The following MMS22L variants were observed in gnomAD, a reference collection of about 807,000 sequenced individuals.
MMS22L encodes protein MMS22-like.
In MMS22L, 74 loss-of-function variants were observed where a neutral mutation model predicts 159.1. The ratio of observed to expected loss-of-function variants is 0.47; its 90% CI spans 0.39 to 0.56. The LOEUF (loss-of-function observed/expected upper bound fraction) is 0.56, where lower values mean the gene tolerates loss of function less well. Ranked by LOEUF, MMS22L falls within the 20% of genes least tolerant of loss-of-function variation. The probability of loss-of-function intolerance (pLI) is 0.00; values close to 1 mark genes in which losing one functional copy is unlikely to be tolerated. For missense variants in MMS22L, 1,351 were observed against 1,422.1 expected, an observed-to-expected ratio of 0.95 and a Z score of 0.80; for synonymous variants, 517 against 506.9, an observed-to-expected ratio of 1.02 and a Z score of -0.27.
intron 3 of MMS22L, 85 bp from the exon 4 acceptor site, chr6:97,278,983 A>C: frequency 9.0e-7 from 1 of 1,109,226 alleles, no homozygotes; most frequent in Non-Finnish European, 1.3e-6. Context: ...TCCAAATTAC[A>C]CAGCTTCAAT....
At chr6:97,169,441 C>T (rs953285845) in intron 19 of MMS22L, among the ~76,000 whole-genome samples, 1 of 151,906 alleles carries the variant, frequency 6.6e-6, no homozygotes, top group African/African-American at 2.4e-5. Flanking sequence ...TTATTCCATC[C>T]TAGAAAGCAA....
At chr6:97,157,054 A>G (rs1225343025) in intron 22 of MMS22L, among the ~76,000 whole-genome samples, 1 of 152,044 alleles carries the variant, frequency 6.6e-6, no homozygotes, top group Non-Finnish European at 1.5e-5. Context: ...TGTAAGTTAG[A>G]TGCCTAGGTA....
At chr6:97,191,709 CTA>C (rs1183855251) in intron 14 of MMS22L, among the ~76,000 whole-genome samples, 2 of 152,156 alleles carry the variant, frequency 1.3e-5, no homozygotes, top group Admixed American at 6.5e-5. Flanking sequence ...TCAGGACACT[CTA>C]TAACCATTTT....
At chr6:97,228,748 G>A in intron 14 of MMS22L, 146 bp downstream of exon 14, 2 of 694,150 alleles carry the variant, frequency 2.9e-6, no homozygotes, top group Non-Finnish European at 4.7e-6. Flanking sequence ...ACTGATTTAT[G>A]CCCATGTAGT....
intron 10 of MMS22L, among the ~76,000 whole-genome samples, chr6:97,249,243 G>A (rs1403402123): frequency 6.6e-6 from 1 of 152,200 alleles, no homozygotes; most frequent in African/African-American, 2.4e-5. Context: ...GGAGAAGAAC[G>A]TGGCCTGACT....
At chr6:97,227,575 T>C (rs1262145393) in intron 14 of MMS22L, among the ~76,000 whole-genome samples, 1 of 152,134 alleles carries the variant, frequency 6.6e-6, no homozygotes, top group Non-Finnish European at 1.5e-5. Context: ...AAACCCGCCA[T>C]GAAAACACGG....
In MMS22L at chr6:97,267,924, C is replaced by A. The variant is rs778476192; in HGVS notation, c.776G>T (p.Cys259Phe). Residue 259 changes from cysteine (C) to phenylalanine (F), a missense_variant, in exon 8 of 25, where the codon TGT (cysteine) becomes TTT (phenylalanine). Coordinates refer to ENST00000683635, the MANE Select transcript of MMS22L (RefSeq NM_001350599.2). ...TATTAAATCACAAAGGAGAGTTTCA[C>A]AATGTTCTTCAAATAGGCTGATGTT... ...LTNISLFEEHCETLLCDLISL... is the reference protein window; with the variant it reads ...LTNISLFEEHFETLLCDLISL... 41 of 1,609,620 alleles carry A rather than the reference C, an allele frequency of 2.5e-5. 1 individual carries two copies. Among genetic ancestry groups the A allele is most frequent in the Middle Eastern group, 1.6e-4 (1 of 6,070 alleles).
At chr6:97,219,031 T>G (rs1478128211) in intron 14 of MMS22L, among the ~76,000 whole-genome samples, 1 of 152,146 alleles carries the variant, frequency 6.6e-6, no homozygotes, top group Non-Finnish European at 1.5e-5. Context: ...GAGAACTCAC[T>G]CAATACTACA....
intron 14 of MMS22L, among the ~76,000 whole-genome samples, chr6:97,224,695 T>C (rs1004842470): frequency 2.0e-5 from 3 of 151,968 alleles, no homozygotes; most frequent in Admixed American, 2.0e-4. Flanking sequence ...AATTTCAGGT[T>C]TGCAAATAAG....
intron 15 of MMS22L, among the ~76,000 whole-genome samples, chr6:97,185,334 T>C (rs1055868859): frequency 6.6e-6 from 1 of 152,184 alleles, no homozygotes; most frequent in African/African-American, 2.4e-5. Context: ...TAACTTTTTT[T>C]AAATGAAGAA....
intron 2 of MMS22L, 134 bp downstream of exon 2, chr6:97,282,180 C>A (rs1303102122): frequency 1.2e-6 from 1 of 826,112 alleles, no homozygotes; most frequent in South Asian, 1.8e-5. Context: ...ATCATTTGTA[C>A]CCTTATGATA....
At chr6:97,268,938 C>T (rs1815441920) in intron 7 of MMS22L, among the ~76,000 whole-genome samples, 1 of 151,454 alleles carries the variant, frequency 6.6e-6, no homozygotes. Flanking sequence ...TATTTATTAA[C>T]AGAAAAGCAG....
intron 17 of MMS22L, 81 bp from the exon 18 acceptor site, chr6:97,178,666 T>C: frequency 1.5e-6 from 1 of 652,282 alleles, no homozygotes; most frequent in South Asian, 4.0e-5. Context: ...ATATATATAA[T>C]GTATATATGA....
At position 97,153,364 on chromosome 6, in the gene MMS22L, C is replaced by CTTTT. The variant is rs59258093; in HGVS notation, c.3386-1501_3386-1498dup. ...TAACCTACTTTCTGTCTCTACAGAT[C>CTTTT]TTTTTTTTTTTTTTTTTTTTTTTTT... On this transcript the variant is annotated intron_variant, in intron 22 of 24. Transcript: ENST00000683635. 1.2e-3 allele frequency among the ~76,000 whole-genome samples: 94 copies of CTTTT among 78,088 alleles called. 1 individual carries two copies. The highest frequency in any genetic ancestry group is 2.5e-3 in the African/African-American group (45 of 18,110). 51.2% of individuals were successfully genotyped at this position (78,088 alleles called of 152,430 possible).
chr6:97,224,255 C>T (rs2127986463), intron 14 of MMS22L, among the ~76,000 whole-genome samples: 1 of 152,216 alleles, frequency 6.6e-6, no homozygotes, highest in Non-Finnish European at 1.5e-5. Flanking sequence ...AATTGTCATT[C>T]TTCATCATCC....
chr6:97,255,950 T>C (rs952466194), intron 9 of MMS22L, among the ~76,000 whole-genome samples: 2 of 152,154 alleles, frequency 1.3e-5, no homozygotes, highest in Non-Finnish European at 1.5e-5. Context: ...TTCTTGTATC[T>C]TTTCTATCAA....
At chr6:97,170,738 G>A (rs1031952934) in intron 19 of MMS22L, among the ~76,000 whole-genome samples, 2 of 152,068 alleles carry the variant, frequency 1.3e-5, no homozygotes, top group African/African-American at 2.4e-5. Context: ...TGCGTACAGC[G>A]GCTCACACCT....
At chr6:97,256,662 C>T (rs1813842747) in intron 9 of MMS22L, among the ~76,000 whole-genome samples, 1 of 152,096 alleles carries the variant, frequency 6.6e-6, no homozygotes, top group South Asian at 2.1e-4. Flanking sequence ...TTTAGTGGTA[C>T]TATATTGGCC....
chr6:97,244,154 G>T (rs1314206699), intron 11 of MMS22L, among the ~76,000 whole-genome samples: 5 of 152,200 alleles, frequency 3.3e-5, no homozygotes. Context: ...GTGCAGGGTT[G>T]TTCTGTTATG....
Sources: allele counts gnomAD v4.1 joint callset (sites outside exome capture counted in the v4.1 genomes callset), GRCh38; gene constraint gnomAD v4.1.1; transcripts MANE v1.5; gene names NCBI Gene and HGNC (gene_info 2026-07-23, HGNC 2026-07-21).